Variants in PKD1L3 observed in about 807,000 individuals in gnomAD.
The protein encoded by PKD1L3 is polycystin 1 like 3, transient receptor potential channel interacting.
A neutral mutation model predicts 184.1 loss-of-function variants in PKD1L3; 239 were observed. The observed-to-expected ratio is 1.30, with a 90% CI of 1.17 to 1.45. The LOEUF (loss-of-function observed/expected upper bound fraction) is 1.45. PKD1L3 is among the 40% of genes most tolerant of loss of function. The pLI is 0.00. For synonymous variants in PKD1L3, 996 were observed against 778.8 expected (o/e 1.28, Z -4.64); for missense variants, 2,660 against 2,067.2 (o/e 1.29, Z -5.56).
intron 16 of PKD1L3, 119 bp from the exon 17 acceptor site, chr16:71,954,420 C>A: frequency 1.6e-6 from 1 of 624,722 alleles, no homozygotes; most frequent in Non-Finnish European, 2.6e-6. Context: ...TATTCAACAC[C>A]TCTGTGAATA....
intron 2 of PKD1L3, among the ~76,000 whole-genome samples, chr16:71,993,593 T>C (rs762544591): frequency 3.5e-4 from 53 of 152,174 alleles, no homozygotes; most frequent in African/African-American, 1.1e-3. Flanking sequence ...TGTTCCATTA[T>C]TGGAACACTA....
intron 17 of PKD1L3, 102 bp downstream of exon 17, chr16:71,954,003 G>A: frequency 2.0e-6 from 2 of 1,005,862 alleles, no homozygotes; most frequent in Non-Finnish European, 2.7e-6. Flanking sequence ...ATCACTTGAG[G>A]CCAGGAGTTC....
intron 3 of PKD1L3, among the ~76,000 whole-genome samples, chr16:71,991,829 T>C (rs1197540379): frequency 1.3e-5 from 2 of 152,192 alleles, no homozygotes; most frequent in Non-Finnish European, 2.9e-5. Context: ...CAAAAAACTT[T>C]TACAAGCAAT....
At chr16:71,957,267 A>T (rs960683041) in intron 16 of PKD1L3, among the ~76,000 whole-genome samples, 1 of 151,964 alleles carries the variant, frequency 6.6e-6, no homozygotes, top group African/African-American at 2.4e-5. Flanking sequence ...GATGGTGATT[A>T]AAAAAAAGGC....
intron 28 of PKD1L3, among the ~76,000 whole-genome samples, chr16:71,932,868 C>T (rs1476989325): frequency 6.9e-6 from 1 of 145,094 alleles, no homozygotes; most frequent in African/African-American, 2.6e-5. Context: ...CAGCTTCCAA[C>T]TCCTGGGCTC....
intron 2 of PKD1L3, among the ~76,000 whole-genome samples, chr16:71,994,926 T>C (rs2040729806): frequency 6.6e-6 from 1 of 152,062 alleles, no homozygotes; most frequent in Non-Finnish European, 1.5e-5. Flanking sequence ...AGGTGGAGGT[T>C]GCAGTGAGCC....
In PKD1L3 at chr16:71,939,562, C is replaced by T. The variant is rs539256868; in HGVS notation, c.4325-2143G>A. ...TAGCTCTCAAGACTGGAACTTTTCC[C>T]ATGTTTATTTTAATCCCTGTCTATA... On this transcript the variant is annotated intron_variant, in intron 24 of 29. Coordinates refer to ENST00000620267, the MANE Select transcript of PKD1L3 (RefSeq NM_181536.2). Among the ~76,000 whole-genome samples, 4 of 152,248 alleles carry T rather than the reference C, an allele frequency of 2.6e-5. No individual in the cohort carries two copies. The South Asian group carries it at 8.3e-4, about 32-fold the overall frequency.
intron 26 of PKD1L3, 129 bp from the exon 27 acceptor site, chr16:71,934,254 C>G (rs1000111891): frequency 1.4e-5 from 11 of 808,310 alleles, no homozygotes; most frequent in Admixed American, 1.1e-4. Context: ...GATGTGAGAA[C>G]TGCTTTCTAT....
chr16:71,931,463 C>CTTTTT (rs11405919), intron 28 of PKD1L3, among the ~76,000 whole-genome samples: 5 of 115,916 alleles, frequency 4.3e-5, no homozygotes, highest in Admixed American at 1.8e-4. Flanking sequence ...TTCTCCCCCA[C>CTTTTT]TTTTTTTTTT....
Position 71,930,104 on chromosome 16 carries a change from AGATT to A in PKD1L3, c.5002_5005del (p.Asn1668PhefsTer23). On this transcript the variant is annotated frameshift_variant, in exon 29 of 30. Coordinates refer to ENST00000620267, the MANE Select transcript of PKD1L3 (RefSeq NM_181536.2). LOFTEE classifies it high-confidence loss of function. The stretch of plus-strand genomic sequence containing the variant: ...GGCCATGAGAATGGCCGAAACGAAA[AGATT>A]AATTACCACAAGTACCATCAAGATG... 1 of 1,551,622 alleles carries A rather than the reference AGATT, an allele frequency of 6.4e-7. No individual in the cohort carries two copies. The highest frequency in any genetic ancestry group is 8.7e-7 in the Non-Finnish European group (1 of 1,146,912).
intron 16 of PKD1L3, among the ~76,000 whole-genome samples, chr16:71,961,387 T>C (rs1030772431): frequency 6.6e-6 from 1 of 152,096 alleles, no homozygotes; most frequent in Non-Finnish European, 1.5e-5. Context: ...CCTCCCAAAA[T>C]GTTGGGATTA....
chr16:71,997,826 A>G (rs535073307), intron 2 of PKD1L3, among the ~76,000 whole-genome samples: 1 of 151,336 alleles, frequency 6.6e-6, no homozygotes, highest in East Asian at 1.9e-4. Context: ...ACGTACATAC[A>G]TACATAGCTT....
At chr16:71,943,775 T>C (rs921608304) in intron 23 of PKD1L3, among the ~76,000 whole-genome samples, 1 of 152,174 alleles carries the variant, frequency 6.6e-6, no homozygotes, top group African/African-American at 2.4e-5. Flanking sequence ...TTTCCCTCCA[T>C]AGATCAAGTG....
intron 15 of PKD1L3, among the ~76,000 whole-genome samples, chr16:71,965,860 G>A (rs1403017946): frequency 6.6e-6 from 1 of 152,074 alleles, no homozygotes; most frequent in African/African-American, 2.4e-5. Flanking sequence ...GGCCTTTTGT[G>A]AGAGTTTTTA....
rs1303201668 is a variant in PKD1L3, at chr16:71,949,852, T to C, written c.3549A>G (p.Gln1183=). ...TAATTGAAATCATCCAGCTGGTGGC[T>C]TGGTCTTTGCTCAATTCCAAGCTAT... The part of the protein sequence containing the change: ...ALYSLELSKD[Q]ATSWMISIIL... The change falls in exon 21 of 30, where the codon CAA becomes CAG. Residue 1183 remains glutamine (Q), a synonymous_variant. Transcript: ENST00000620267. The C allele has an allele frequency of 6.4e-6, 10 of 1,551,608 alleles. No individual in the cohort carries two copies. The highest frequency in any genetic ancestry group is 1.7e-6 in the Non-Finnish European group (2 of 1,146,988).
chr16:71,973,778 G>T (rs562387206), intron 11 of PKD1L3, among the ~76,000 whole-genome samples: 1 of 152,084 alleles, frequency 6.6e-6, no homozygotes, highest in Non-Finnish European at 1.5e-5. Context: ...GATGCGGGCG[G>T]ATCACTTGAG....
chr16:71,937,580 A>G (rs1196522406), intron 24 of PKD1L3, among the ~76,000 whole-genome samples, 161 bp from the exon 25 acceptor site: 1 of 152,196 alleles, frequency 6.6e-6, no homozygotes, highest in African/African-American at 2.4e-5. Flanking sequence ...ATGAACATTA[A>G]AGGAGATCAT....
At chr16:71,979,685 G>C (rs7403859) in intron 9 of PKD1L3, 101 bp downstream of exon 9, 1 of 1,352,264 alleles carries the variant, frequency 7.4e-7, no homozygotes, top group African/African-American at 1.5e-5. Context: ...ATCTGATCTG[G>C]TCTGTTCAGT....
chr16:71,950,551 C>A (rs897068003), intron 19 of PKD1L3, among the ~76,000 whole-genome samples: 2 of 152,022 alleles, frequency 1.3e-5, no homozygotes, highest in South Asian at 2.1e-4. Flanking sequence ...GAGTTCTTCA[C>A]CAGAATGGCA....
Sources: gnomAD v4.1 joint callset for allele counts (sites outside exome capture counted in the v4.1 genomes callset) on GRCh38, gnomAD v4.1.1 for gene constraint, MANE v1.5 for transcripts, NCBI Gene and HGNC (gene_info 2026-07-23, HGNC 2026-07-21) for gene names.